MAP3K20: variants seen among roughly 807,000 people sequenced by gnomAD.
MAP3K20 encodes the protein mitogen-activated protein kinase kinase kinase 20.
In MAP3K20, 40 loss-of-function variants were observed where a neutral mutation model predicts 85.7. The observed-to-expected ratio is 0.47, with a 90% CI of 0.36 to 0.61. MAP3K20 has a LOEUF of 0.61. MAP3K20 is among the 20% of genes least tolerant of loss of function. MAP3K20 has a pLI of 0.00. For missense variants in MAP3K20, 817 were observed against 961.7 expected, an observed-to-expected ratio of 0.85 and a Z score of 1.99; for synonymous variants, 325 against 327.7, an observed-to-expected ratio of 0.99 and a Z score of 0.09.
intron 2 of MAP3K20, among the ~76,000 whole-genome samples, chr2:173,102,280 T>C (rs1247632992): frequency 6.6e-6 from 1 of 152,236 alleles, no homozygotes; most frequent in Admixed American, 6.5e-5. Flanking sequence ...TTGCCATTCC[T>C]ACCCTACTTT....
At chr2:173,101,092 C>G (rs952623039) in intron 2 of MAP3K20, among the ~76,000 whole-genome samples, 9 of 152,162 alleles carry the variant, frequency 5.9e-5, no homozygotes, top group African/African-American at 2.2e-4. Flanking sequence ...AGAGAGGTCA[C>G]TGAGGAAGAG....
intron 5 of MAP3K20, 135 bp downstream of exon 5, chr2:173,187,758 C>G: frequency 1.6e-6 from 1 of 626,764 alleles, no homozygotes. Flanking sequence ...GGAAGCCTTT[C>G]TACTGTCAAT....
intron 11 of MAP3K20, among the ~76,000 whole-genome samples, chr2:173,220,061 C>G (rs1176462469): frequency 2.4e-5 from 1 of 42,436 alleles, no homozygotes; most frequent in Non-Finnish European, 4.6e-5. Flanking sequence ...GTGCTAGACT[C>G]TGTCTCAAAA....
intron 11 of MAP3K20, among the ~76,000 whole-genome samples, chr2:173,219,605 A>G (rs921091760): frequency 2.0e-5 from 3 of 152,210 alleles, no homozygotes; most frequent in African/African-American, 7.2e-5. Context: ...GGGAAATAAC[A>G]TCCTGTTTCC....
At chr2:173,110,717 C>T (rs1354977394) in intron 2 of MAP3K20, among the ~76,000 whole-genome samples, 1 of 152,110 alleles carries the variant, frequency 6.6e-6, no homozygotes, top group African/African-American at 2.4e-5. Context: ...ATAATAATCT[C>T]CTCCAATCTC....
chr2:173,100,140 A>G (rs1165057654), intron 2 of MAP3K20, among the ~76,000 whole-genome samples: 1 of 152,238 alleles, frequency 6.6e-6, no homozygotes, highest in Non-Finnish European at 1.5e-5. Flanking sequence ...GGGCAAGCAC[A>G]TGTGTGGTGC....
intron 1 of MAP3K20, among the ~76,000 whole-genome samples, chr2:173,077,458 C>A (rs1230599756): frequency 6.7e-6 from 1 of 150,038 alleles, no homozygotes; most frequent in Non-Finnish European, 1.5e-5. Context: ...TTTTAAATTC[C>A]TGCTACTATA....
At position 173,226,022 on chromosome 2, in the gene MAP3K20, A is replaced by G. The variant is rs374379025; in HGVS notation, c.988-3667A>G. On this transcript the variant is annotated intron_variant, in intron 11 of 19. Transcript: ENST00000375213. ...AAAATTACATTTTACTATTTTACAT[A>G]ACCAGTGAAAAGACGTTGAAAGCCT... is the stretch of plus-strand genomic sequence containing the variant. The G allele has an allele frequency of 6.1e-6, 6 of 985,304 alleles. No individual in the cohort carries two copies. The African/African-American group carries it at 7.0e-5, about 11-fold the overall frequency. The allele number at this position is 985,304 out of a possible 1,614,324, so 61.0% of individuals were successfully genotyped here.
intron 14 of MAP3K20, among the ~76,000 whole-genome samples, chr2:173,234,509 G>A (rs74347362): frequency 0.012 from 1,840 of 152,294 alleles, 24 homozygotes; most frequent in South Asian, 0.043. Context: ...ACCCGGACTT[G>A]GGAGAGGCCA....
intron 11 of MAP3K20, chr2:173,225,783 GCTTT>G: frequency 1.0e-6 from 1 of 984,886 alleles, no homozygotes. Context: ...GAGTTTCGTG[GCTTT>G]ATCTTAAATC....
chr2:173,140,425 C>T lies in MAP3K20; in HGVS notation c.160-29380C>T, dbSNP rs569653996. Among the ~76,000 whole-genome samples, 230 of 152,078 alleles carry T rather than the reference C, an allele frequency of 1.5e-3. 2 individuals are homozygous for T. The highest frequency in any genetic ancestry group is 2.9e-3 in the Non-Finnish European group (198 of 67,956). ...ATGCAGGGGCACAATCTCAGCTCAC[C>T]GCAACCTCTCTGCCTCCTGAATTCA... On this transcript the variant is annotated intron_variant, in intron 2 of 19. Transcript: ENST00000375213.
intron 11 of MAP3K20, among the ~76,000 whole-genome samples, chr2:173,228,288 T>C (rs1684439449): frequency 1.3e-5 from 2 of 152,110 alleles, no homozygotes; most frequent in African/African-American, 4.8e-5. Context: ...ATGAACTCAC[T>C]GCCTTCCATT....
At chr2:173,115,378 A>G (rs1688090958) in intron 2 of MAP3K20, among the ~76,000 whole-genome samples, 1 of 152,112 alleles carries the variant, frequency 6.6e-6, no homozygotes, top group African/African-American at 2.4e-5. Context: ...CTGATTAGCT[A>G]TTTAATAACT....
At chr2:173,179,708 A>ACACACG (rs757005017) in intron 3 of MAP3K20, among the ~76,000 whole-genome samples, 2 of 59,648 alleles carry the variant, frequency 3.4e-5, no homozygotes, top group Non-Finnish European at 1.0e-4. Flanking sequence ...GAATGCGCAC[A>ACACACG]CACACACACA....
At chr2:173,194,932 C>T (rs1484822692) in intron 7 of MAP3K20, among the ~76,000 whole-genome samples, 4 of 152,052 alleles carry the variant, frequency 2.6e-5, no homozygotes, top group Non-Finnish European at 5.9e-5. Flanking sequence ...GACTCACTAA[C>T]CTTGTACTGC....
chr2:173,092,594 C>T (rs1472700831), intron 2 of MAP3K20, among the ~76,000 whole-genome samples: 6 of 152,058 alleles, frequency 3.9e-5, no homozygotes, highest in African/African-American at 9.7e-5. Flanking sequence ...TGACCAGGTA[C>T]GAAGAGAAAA....
At chr2:173,261,817 G>A (rs974043458) in intron 18 of MAP3K20, among the ~76,000 whole-genome samples, 2 of 152,066 alleles carry the variant, frequency 1.3e-5, no homozygotes, top group African/African-American at 4.8e-5. Context: ...AAGAGTTTGA[G>A]ACCAGCCTGG....
chr2:173,203,318 T>C (rs1198081280), intron 8 of MAP3K20, among the ~76,000 whole-genome samples: 1 of 152,172 alleles, frequency 6.6e-6, no homozygotes, highest in Non-Finnish European at 1.5e-5. Flanking sequence ...AATGTCTTAT[T>C]TACCACTGAG....
At chr2:173,136,228 T>A (rs916418398) in intron 2 of MAP3K20, among the ~76,000 whole-genome samples, 1 of 152,246 alleles carries the variant, frequency 6.6e-6, no homozygotes, top group African/African-American at 2.4e-5. Context: ...TTTACAGCAT[T>A]TGCTGATGGC....
Sources: gnomAD v4.1 joint callset for allele counts (sites outside exome capture counted in the v4.1 genomes callset) on GRCh38, gnomAD v4.1.1 for gene constraint, MANE v1.5 for transcripts, NCBI Gene and HGNC (gene_info 2026-07-23, HGNC 2026-07-21) for gene names.